The following AK5 variants were observed in gnomAD, a reference collection of about 807,000 sequenced individuals.
AK5 encodes the protein adenylate kinase 5, also known as adenylate kinase isoenzyme 5.
A neutral mutation model predicts 69.5 loss-of-function variants in AK5; 27 were observed. The observed-to-expected ratio is 0.39, with a 90% confidence interval of 0.29 to 0.54. AK5 has a LOEUF of 0.54. AK5 is among the 20% of genes least tolerant of loss of function. AK5 has a pLI of 0.71. For synonymous variants in AK5, 260 were observed against 244.4 expected (o/e 1.06, Z -0.60); for missense variants, 531 against 700.4 (o/e 0.76, Z 2.73).
At chr1:77,439,755 A>AATATGTATGTATATACATAT (rs904639225) in intron 8 of AK5, among the ~76,000 whole-genome samples, 2 of 149,570 alleles carry the variant, frequency 1.3e-5, no homozygotes, top group Non-Finnish European at 3.0e-5. Flanking sequence ...CATAAAAAAG[A>AATATGTATGTATATACATAT]ATATGTATGT....
chr1:77,531,927 G>C (rs1431184022), intron 12 of AK5, among the ~76,000 whole-genome samples: 2 of 151,624 alleles, frequency 1.3e-5, no homozygotes, highest in African/African-American at 2.4e-5. Flanking sequence ...GCTAAGGCCC[G>C]GCGAGAAATC....
chr1:77,291,587 C>T (rs1375788171), intron 2 of AK5, among the ~76,000 whole-genome samples: 5 of 152,096 alleles, frequency 3.3e-5, no homozygotes, highest in South Asian at 4.2e-4. Context: ...TATTGAACCA[C>T]GCTCTACCCA....
chr1:77,391,739 A>T (rs2100528341), intron 6 of AK5, among the ~76,000 whole-genome samples: 1 of 152,104 alleles, frequency 6.6e-6, no homozygotes, highest in Non-Finnish European at 1.5e-5. Context: ...AATTGTTATT[A>T]TCTTGATTTT....
intron 6 of AK5, among the ~76,000 whole-genome samples, chr1:77,349,997 G>GATCC (rs1229931004): frequency 6.6e-6 from 1 of 152,136 alleles, no homozygotes; most frequent in African/African-American, 2.4e-5. Flanking sequence ...AGACAACAGT[G>GATCC]ATCCTCCTTT....
At chr1:77,310,387 T>C (rs1052000338) in intron 5 of AK5, among the ~76,000 whole-genome samples, 21 of 152,100 alleles carry the variant, frequency 1.4e-4, no homozygotes, top group African/African-American at 4.8e-4. Context: ...GTTTTTATTT[T>C]TTTTTCTTTT....
intron 8 of AK5, among the ~76,000 whole-genome samples, chr1:77,475,195 A>ATATATATATGTGTG (rs1182380859): frequency 3.4e-5 from 1 of 29,156 alleles, no homozygotes; most frequent in Non-Finnish European, 6.4e-5. Flanking sequence ...ATATATATAT[A>ATATATATATGTGTG]TGTGTGTGTG....
intron 6 of AK5, among the ~76,000 whole-genome samples, chr1:77,387,540 G>C (rs1036567695): frequency 6.6e-6 from 1 of 152,166 alleles, no homozygotes; most frequent in East Asian, 1.9e-4. Context: ...GAGCATCTTC[G>C]TGACATAAAT....
At chr1:77,417,197 A>G (rs1650488018) in intron 7 of AK5, among the ~76,000 whole-genome samples, 1 of 152,138 alleles carries the variant, frequency 6.6e-6, no homozygotes, top group Non-Finnish European at 1.5e-5. Context: ...CCCACTCTGT[A>G]CTTTGCTCAT....
intron 8 of AK5, among the ~76,000 whole-genome samples, chr1:77,423,510 A>G (rs1316229872): frequency 1.3e-5 from 2 of 152,056 alleles, no homozygotes; most frequent in African/African-American, 2.4e-5. Flanking sequence ...AAAATAAACA[A>G]TCACTCTTAG....
chr1:77,417,335 A>C (rs1650498342), intron 7 of AK5, among the ~76,000 whole-genome samples: 1 of 151,926 alleles, frequency 6.6e-6, no homozygotes, highest in East Asian at 1.9e-4. Flanking sequence ...CTCCACCATC[A>C]CCTCTACTAC....
chr1:77,358,018 T>TGTGTGA (rs762714026), intron 6 of AK5, among the ~76,000 whole-genome samples: 107 of 128,264 alleles, frequency 8.3e-4, no homozygotes, highest in African/African-American at 1.2e-3. Context: ...TGTGTGTGTG[T>TGTGTGA]GAGAGAGAGA....
chr1:77,548,898 CTTTTTTTTTTTT>C (rs34026852), intron 13 of AK5, among the ~76,000 whole-genome samples: 1 of 87,900 alleles, frequency 1.1e-5, no homozygotes, highest in African/African-American at 4.1e-5. Context: ...TTGCTTTTAG[CTTTTTTTTTTTT>C]TTTTTTTTTG....
chr1:77,457,857 T>C (rs983750321), intron 8 of AK5, among the ~76,000 whole-genome samples: 1 of 152,142 alleles, frequency 6.6e-6, no homozygotes, highest in Non-Finnish European at 1.5e-5. Context: ...TAGCTTCCTA[T>C]TTGCTATAAC....
At chr1:77,365,042 TTA>T (rs1491145643) in intron 6 of AK5, among the ~76,000 whole-genome samples, 35 of 152,228 alleles carry the variant, frequency 2.3e-4, no homozygotes, top group Non-Finnish European at 2.4e-4. Context: ...GTTGTTTTTT[TTA>T]TCTTTTGATA....
chr1:77,488,309 T>C (rs946331366), intron 10 of AK5, among the ~76,000 whole-genome samples: 3 of 152,244 alleles, frequency 2.0e-5, no homozygotes, highest in African/African-American at 7.2e-5. Flanking sequence ...AATGTCATAA[T>C]TGCAAAGGAA....
chr1:77,545,133 T>C (rs1659475020), intron 13 of AK5, among the ~76,000 whole-genome samples: 1 of 152,214 alleles, frequency 6.6e-6, no homozygotes, highest in African/African-American at 2.4e-5. Context: ...CGCCCGCAAT[T>C]AACAATGCCC....
intron 6 of AK5, among the ~76,000 whole-genome samples, chr1:77,362,666 A>G (rs1241056435): frequency 2.0e-5 from 3 of 152,230 alleles, no homozygotes; most frequent in Non-Finnish European, 4.4e-5. Flanking sequence ...GAAGAAATAG[A>G]AATAATCATC....
At chr1:77,290,323 A>C (rs2100647954) in intron 2 of AK5, among the ~76,000 whole-genome samples, 1 of 152,354 alleles carries the variant, frequency 6.6e-6, no homozygotes, top group African/African-American at 2.4e-5. Context: ...ACATTCAACA[A>C]AATTGCTAAC....
At chr1:77,356,215 G>A (rs61783071) in intron 6 of AK5, among the ~76,000 whole-genome samples, 19,241 of 152,172 alleles carry the variant, frequency 0.13, 1,486 homozygotes, top group Middle Eastern at 0.23. Flanking sequence ...TAATGTCACT[G>A]AAACAAAAGC....
Sources: allele counts gnomAD v4.1 joint callset (sites outside exome capture counted in the v4.1 genomes callset), GRCh38; gene constraint gnomAD v4.1.1; transcripts MANE v1.5; gene names NCBI Gene and HGNC (gene_info 2026-07-23, HGNC 2026-07-21).